ABTB3: variants seen among roughly 807,000 people sequenced by gnomAD.
ABTB3 encodes ankyrin repeat and BTB domain containing 3.
chr12:107,352,248 A>G, the ABTB3 span, among the ~76,000 whole-genome samples: 4 of 152,146 alleles, frequency 2.6e-5, no homozygotes, highest in Non-Finnish European at 5.9e-5. Context: ...GGGACATCCA[A>G]GGTAAGAGCC....
At chr12:107,492,413 C>T in the ABTB3 span, among the ~76,000 whole-genome samples, 4 of 152,126 alleles carry the variant, frequency 2.6e-5, no homozygotes, top group Non-Finnish European at 4.4e-5. Context: ...GAGAGACCTG[C>T]GTTCTTGCCC....
chr12:107,581,349 C>A, the ABTB3 span: 8 of 1,282,056 alleles, frequency 6.2e-6, no homozygotes, highest in Non-Finnish European at 7.9e-6. Context: ...GGGAGGGCTC[C>A]GGCCTCGCAG....
At chr12:107,466,259 T>A in the ABTB3 span, among the ~76,000 whole-genome samples, 1 of 151,696 alleles carries the variant, frequency 6.6e-6, no homozygotes, top group African/African-American at 2.4e-5. Context: ...CAGCAGTTGG[T>A]TTTACCTAAG....
chr12:107,328,284 T>G, the ABTB3 span, among the ~76,000 whole-genome samples: 1 of 152,240 alleles, frequency 6.6e-6, no homozygotes, highest in Non-Finnish European at 1.5e-5. Context: ...AGATTTGAAT[T>G]AGGCATTTGG....
chr12:107,617,361 T>A, the ABTB3 span: 1 of 1,614,174 alleles, frequency 6.2e-7, no homozygotes, highest in Non-Finnish European at 8.5e-7. Flanking sequence ...ATAGGAACCA[T>A]GTACAGGAAT....
At chr12:107,369,878 C>T in the ABTB3 span, among the ~76,000 whole-genome samples, 3 of 151,986 alleles carry the variant, frequency 2.0e-5, no homozygotes, top group East Asian at 5.8e-4. Flanking sequence ...GGTGGTGAGG[C>T]ATAATGAAAC....
the ABTB3 span, among the ~76,000 whole-genome samples, chr12:107,384,439 G>T: frequency 6.6e-6 from 1 of 152,200 alleles, no homozygotes; most frequent in Admixed American, 6.5e-5. Context: ...CCAGAATGGA[G>T]ACCCTGGTTG....
At chr12:107,443,370 G>A in the ABTB3 span, among the ~76,000 whole-genome samples, 3 of 152,034 alleles carry the variant, frequency 2.0e-5, no homozygotes, top group East Asian at 3.9e-4. Context: ...AGCACAGCCT[G>A]CTGCTGGATA....
the ABTB3 span, among the ~76,000 whole-genome samples, chr12:107,373,771 G>A: frequency 6.6e-6 from 1 of 152,176 alleles, no homozygotes; most frequent in Non-Finnish European, 1.5e-5. Context: ...TGTGGGACCC[G>A]GCACTTTCTC....
At chr12:107,478,798 T>C in the ABTB3 span, among the ~76,000 whole-genome samples, 5 of 152,130 alleles carry the variant, frequency 3.3e-5, no homozygotes, top group South Asian at 1.0e-3. Context: ...AGTTGCTTCC[T>C]TGCCCTGAAT....
At chr12:107,503,341 A>G in the ABTB3 span, among the ~76,000 whole-genome samples, 2 of 152,128 alleles carry the variant, frequency 1.3e-5, no homozygotes, top group Non-Finnish European at 2.9e-5. Flanking sequence ...TTTACATTTG[A>G]AAAGTGTGCT....
chr12:107,349,834 G>C, the ABTB3 span, among the ~76,000 whole-genome samples: 1 of 152,232 alleles, frequency 6.6e-6, no homozygotes, highest in Admixed American at 6.5e-5. Flanking sequence ...TCTTGGAGGA[G>C]CACAGGCTAA....
chr12:107,358,565 C>A, the ABTB3 span, among the ~76,000 whole-genome samples: 1 of 151,872 alleles, frequency 6.6e-6, no homozygotes, highest in East Asian at 1.9e-4. Context: ...CCCAGTGAAT[C>A]AGAAACTCTG....
the ABTB3 span, among the ~76,000 whole-genome samples, chr12:107,516,593 G>A: frequency 0.17 from 25,951 of 152,116 alleles, 2,723 homozygotes; most frequent in East Asian, 0.29. Context: ...TCCCTACCCC[G>A]TTGTCTCACC....
At chr12:107,476,264 C>G in the ABTB3 span, among the ~76,000 whole-genome samples, 1 of 152,176 alleles carries the variant, frequency 6.6e-6, no homozygotes, top group Non-Finnish European at 1.5e-5. Flanking sequence ...CAAGCTGGGT[C>G]TCTACCACCC....
chr12:107,457,014 C>T, the ABTB3 span, among the ~76,000 whole-genome samples: 1 of 152,280 alleles, frequency 6.6e-6, no homozygotes, highest in East Asian at 1.9e-4. Flanking sequence ...CACCCGCCAC[C>T]ACGCCCAGCT....
At chr12:107,351,340 T>C in the ABTB3 span, among the ~76,000 whole-genome samples, 2 of 152,178 alleles carry the variant, frequency 1.3e-5, no homozygotes, top group African/African-American at 4.8e-5. Context: ...AGCCTTACCA[T>C]TGTGTTCCAC....
the ABTB3 span, chr12:107,658,026 G>T: frequency 2.6e-6 from 1 of 382,416 alleles, no homozygotes; most frequent in Non-Finnish European, 4.9e-6. Context: ...GCCTTTTAAA[G>T]GTCACTCAGG....
chr12:107,408,799 G>C, the ABTB3 span, among the ~76,000 whole-genome samples: 1 of 152,182 alleles, frequency 6.6e-6, no homozygotes, highest in Non-Finnish European at 1.5e-5. Flanking sequence ...CTCTGGCCTC[G>C]GTGACTTTTT....
Sources: gnomAD v4.1 joint callset for allele counts (sites outside exome capture counted in the v4.1 genomes callset) on GRCh38, gnomAD v4.1.1 for gene constraint, MANE v1.5 for transcripts, NCBI Gene and HGNC (gene_info 2026-07-23, HGNC 2026-07-21) for gene names.